Variants in PTPRF observed in about 807,000 individuals in gnomAD.
PTPRF encodes the protein protein tyrosine phosphatase receptor type F, also known as receptor-type tyrosine-protein phosphatase F.
In PTPRF, 59 loss-of-function variants were observed where a neutral mutation model predicts 201.8. That is an observed-to-expected ratio of 0.29 (90% confidence interval 0.24 to 0.36). The LOEUF is 0.36. Ranked by LOEUF, PTPRF falls within the 10% of genes least tolerant of loss-of-function variation. The pLI is 1.00. For synonymous variants in PTPRF, 1,088 were observed against 1,089.7 expected, an observed-to-expected ratio of 1.00 and a Z score of 0.03; for missense variants, 2,132 against 2,690.5, an observed-to-expected ratio of 0.79 and a Z score of 4.59.
intron 21 of PTPRF, among the ~76,000 whole-genome samples, chr1:43,607,654 C>T (rs974374977): frequency 6.6e-6 from 1 of 152,236 alleles, no homozygotes; most frequent in Non-Finnish European, 1.5e-5. Flanking sequence ...CCCTCTTTAG[C>T]CTGACAGCCA....
chr1:43,536,836 G>A (rs1644045882), intron 1 of PTPRF, among the ~76,000 whole-genome samples: 1 of 152,178 alleles, frequency 6.6e-6, no homozygotes, highest in African/African-American at 2.4e-5. Context: ...CGCCAAGCTG[G>A]CGAGGGCCAT....
At chr1:43,532,104 GGTCTCTGTCTCCCTCCTTAA>G (rs1333070504) in intron 1 of PTPRF, among the ~76,000 whole-genome samples, 1 of 151,854 alleles carries the variant, frequency 6.6e-6, no homozygotes, top group Non-Finnish European at 1.5e-5. Context: ...CCTCTCCCTG[GGTCTCTGTCTCCCTCCTTAA>G]GTCTCTGCCT....
rs1051948050 is a variant in PTPRF at position 43,554,441 on chromosome 1, C to T, written c.379+500C>T. On this transcript the variant is annotated intron_variant, in intron 5 of 33. Coordinates refer to ENST00000359947, the MANE Select transcript of PTPRF (RefSeq NM_002840.5). This position sits in a 1 kb window ranked among gnomAD's most constrained non-coding sequence, Gnocchi z 4.1. ...AACACTCCCTGGACCACCTTGAAGT[C>T]CTCTGAGCACCGAGGAGGAGGAAGC... Among the ~76,000 whole-genome samples, 9 of 152,148 alleles carry T rather than the reference C, an allele frequency of 5.9e-5. No individual in the cohort carries two copies. Among genetic ancestry groups the T allele is most frequent in the Non-Finnish European group, 1.3e-4 (9 of 68,026 alleles).
intron 6 of PTPRF, 29 bp from the exon 7 acceptor site, chr1:43,578,781 G>A (rs772440896): frequency 1.5e-5 from 23 of 1,566,170 alleles, no homozygotes; most frequent in Non-Finnish European, 1.9e-5. Context: ...CATGGGCCGT[G>A]CCTGACCTCT....
At chr1:43,612,195 C>T (rs138871807) in intron 22 of PTPRF, among the ~76,000 whole-genome samples, 128 of 152,098 alleles carry the variant, frequency 8.4e-4, no homozygotes, top group African/African-American at 2.9e-3. Context: ...GTGGGAGGAC[C>T]GTTGGCTTTG....
rs1031891405 is a variant in PTPRF, at chr1:43,537,098, T to C, written c.-125-1100T>C. On this transcript the variant is annotated intron_variant, in intron 1 of 33. Coordinates refer to ENST00000359947, the MANE Select transcript of PTPRF (RefSeq NM_002840.5). This position sits in a 1 kb window ranked among gnomAD's most constrained non-coding sequence, Gnocchi z 4.8. ...TCACTGTGCATGTGGGGGCTTGAGG[T>C]GAGAAGCCTGCTGCAAGGTGCAGCT... is the stretch of plus-strand genomic sequence containing the variant. Among the ~76,000 whole-genome samples the C allele has an allele frequency of 6.6e-6, 1 of 152,048 alleles. No homozygotes were observed. Among genetic ancestry groups the C allele is most frequent in the African/African-American group, 2.4e-5 (1 of 41,390 alleles).
In PTPRF at chr1:43,621,103, C is replaced by T. The variant is rs577132005; in HGVS notation, c.5526C>T (p.Gly1842=). 1.1e-5 allele frequency: 18 copies of T among 1,614,058 alleles called. No individual in the cohort carries two copies. Among genetic ancestry groups the T allele is most frequent in the Middle Eastern group, 1.7e-4 (1 of 6,058 alleles). Residue 1842 remains glycine, a synonymous_variant, in exon 33 of 34, where the codon GGC becomes GGT. Coordinates refer to ENST00000359947, the MANE Select transcript of PTPRF (RefSeq NM_002840.5). ...CAACTGTGTTTCTGAGCAGTGCTGG[C>T]GTGGGCCGCACCGGGGTGTTCATCA... ...DGPITVHCSA[G]VGRTGVFITL... is the part of the protein sequence containing the mutation.
intron 16 of PTPRF, among the ~76,000 whole-genome samples, chr1:43,604,511 G>A (rs1654562778): frequency 6.6e-6 from 1 of 151,984 alleles, no homozygotes; most frequent in Non-Finnish European, 1.5e-5. Flanking sequence ...AATCTCTTGG[G>A]GCCATGACCC....
At chr1:43,617,246 C>T (rs987691300) in intron 23 of PTPRF, among the ~76,000 whole-genome samples, 199 bp from the exon 24 acceptor site, 14 of 152,100 alleles carry the variant, frequency 9.2e-5, no homozygotes, top group Admixed American at 2.6e-4. Context: ...TCAGAGGAGT[C>T]CCCAGTCCAT....
intron 2 of PTPRF, 37 bp downstream of exon 2, chr1:43,538,314 G>A (rs1405716141): frequency 2.5e-6 from 1 of 398,722 alleles, no homozygotes; most frequent in Non-Finnish European, 4.4e-6. Context: ...GAGCAGGGGT[G>A]CACAGGGGTC....
Position 43,613,647 on chromosome 1 carries a change from A to G in PTPRF, c.4003A>G (p.Thr1335Ala). Reference protein sequence around the residue: ...GMRDHPPIPITDLADNIERLK... With the variant: ...GMRDHPPIPIADLADNIERLK... ...GCGAGACCACCCACCCATCCCCATC[A>G]CCGACCTGGCGGACAACATCGAGCG... The change falls in exon 23 of 34, where the codon ACC becomes GCC. Residue 1335 changes from threonine (T) to alanine (A), a missense_variant. This residue lies in a region of PTPRF where 818 missense variants were observed against 915.3 expected (regional missense o/e 0.89). Transcript: ENST00000359947. 3 of 1,613,926 alleles carry G rather than the reference A, an allele frequency of 1.9e-6. No homozygotes were observed. Among genetic ancestry groups the G allele is most frequent in the South Asian group, 1.1e-5 (1 of 91,074 alleles).
chr1:43,618,474 C>T (rs1403574147), intron 25 of PTPRF, among the ~76,000 whole-genome samples, 156 bp from the exon 26 acceptor site: 1 of 152,126 alleles, frequency 6.6e-6, no homozygotes, highest in East Asian at 1.9e-4. Context: ...CCTGATGTGG[C>T]TTGTGGAGGA....
intron 22 of PTPRF, among the ~76,000 whole-genome samples, chr1:43,609,896 C>T (rs1271635215): frequency 6.6e-6 from 1 of 152,228 alleles, no homozygotes; most frequent in East Asian, 1.9e-4. Context: ...CCTCACCAGA[C>T]ATCTGTGGGG....
At chr1:43,551,075 T>C (rs1372878055) in intron 3 of PTPRF, among the ~76,000 whole-genome samples, 1 of 151,374 alleles carries the variant, frequency 6.6e-6, no homozygotes, top group Admixed American at 6.6e-5. Context: ...TAGGGCGGGG[T>C]GTCGGGGGAG....
At chr1:43,594,461 A>G (rs1458943001) in intron 11 of PTPRF, among the ~76,000 whole-genome samples, 2 of 151,848 alleles carry the variant, frequency 1.3e-5, no homozygotes, top group Non-Finnish European at 2.9e-5. Context: ...TATGGCAGTC[A>G]GGGCCTTGGG....
intron 3 of PTPRF, among the ~76,000 whole-genome samples, chr1:43,550,356 C>G (rs1644948784): frequency 6.6e-6 from 1 of 152,236 alleles, no homozygotes; most frequent in South Asian, 2.1e-4. Flanking sequence ...AGGCCCCGCC[C>G]CACCCCGCCC....
chr1:43,621,201 G>A lies in PTPRF; in HGVS notation c.5624G>A (p.Arg1875His), dbSNP rs756325478. 7.4e-6 allele frequency: 12 copies of A among 1,614,158 alleles called. No individual in the cohort carries two copies. Among genetic ancestry groups the A allele is most frequent in the Non-Finnish European group, 6.8e-6 (8 of 1,179,998 alleles). ...ATGTTTCAGACCGTGAAGACCCTGCGTACACAGCGTCCTGCCATGGTGCAG... is the reference window on the plus strand; with the variant it reads ...ATGTTTCAGACCGTGAAGACCCTGCATACACAGCGTCCTGCCATGGTGCAG... ...VDMFQTVKTL[R>H]TQRPAMVQTE... The change falls in exon 33 of 34, where the codon CGT becomes CAT. Residue 1875 changes from arginine (R) to histidine (H), a missense_variant. Physicochemically the swap from Arg to His is conservative, Grantham distance 29 (BLOSUM62 0). Transcript: ENST00000359947.
At chr1:43,614,025 C>T (rs994644188) in intron 23 of PTPRF, among the ~76,000 whole-genome samples, 1 of 152,222 alleles carries the variant, frequency 6.6e-6, no homozygotes, top group African/African-American at 2.4e-5. Context: ...CACAAGGCCA[C>T]AGGCATACAG....
chr1:43,570,466 C>T (rs557049408), intron 6 of PTPRF, among the ~76,000 whole-genome samples: 10 of 152,390 alleles, frequency 6.6e-5, no homozygotes, highest in South Asian at 4.1e-4. Context: ...GCTGCCAGCA[C>T]GGCCTGGACC....
Sources: gnomAD v4.1 joint callset for allele counts (sites outside exome capture counted in the v4.1 genomes callset) on GRCh38, gnomAD v4.1.1 for gene constraint, gnomAD v4.1.1 regional missense constraint, Gnocchi (gnomAD v3.1) non-coding constraint, MANE v1.5 for transcripts, NCBI Gene and HGNC (gene_info 2026-07-23, HGNC 2026-07-21) for gene names.